Variants in CADPS observed in about 807,000 individuals in gnomAD.
CADPS encodes the protein calcium-dependent secretion activator 1.
A neutral mutation model predicts 167.3 loss-of-function variants in CADPS; 57 were observed. The ratio of observed to expected loss-of-function variants is 0.34; its 90% confidence interval spans 0.28 to 0.42. The LOEUF is 0.42. Ranked by LOEUF, CADPS falls within the 20% of genes least tolerant of loss-of-function variation. The pLI is 1.00. For synonymous variants in CADPS, 676 were observed against 635.3 expected, an observed-to-expected ratio of 1.06 and a Z score of -0.96; for missense variants, 1,414 against 1,738.1, an observed-to-expected ratio of 0.81 and a Z score of 3.32.
intron 1 of CADPS, among the ~76,000 whole-genome samples, chr3:62,802,797 C>G (rs1420597178): frequency 6.6e-6 from 1 of 152,126 alleles, no homozygotes; most frequent in Non-Finnish European, 1.5e-5. Context: ...TACAATCTTT[C>G]CCAAGGGTCA....
chr3:62,741,064 G>C (rs2080124191), intron 3 of CADPS, among the ~76,000 whole-genome samples: 1 of 152,156 alleles, frequency 6.6e-6, no homozygotes, highest in Non-Finnish European at 1.5e-5. Context: ...TGATTCCAGA[G>C]AACCAGCCCA....
intron 28 of CADPS, among the ~76,000 whole-genome samples, chr3:62,425,317 C>T (rs984592811): frequency 5.9e-5 from 9 of 152,108 alleles, no homozygotes; most frequent in African/African-American, 2.2e-4. Context: ...CCATTAGATG[C>T]CAGTAGCACC....
chr3:62,863,840 C>G (rs916256673), intron 1 of CADPS, among the ~76,000 whole-genome samples: 4 of 152,104 alleles, frequency 2.6e-5, no homozygotes, highest in Non-Finnish European at 1.5e-5. Flanking sequence ...TTGGCCAGCT[C>G]AGTTATATGG....
At chr3:62,511,253 C>T (rs79989364) in intron 17 of CADPS, among the ~76,000 whole-genome samples, 2,020 of 152,216 alleles carry the variant, frequency 0.013, 33 homozygotes, top group African/African-American at 0.046. Flanking sequence ...AAGTCCTGTC[C>T]CTGCCTACCT....
In CADPS at chr3:62,748,325, G is replaced by A. The variant is rs140223008; in HGVS notation, c.888+5116C>T. Among the ~76,000 whole-genome samples the A allele has an allele frequency of 9.7e-3, 1,060 of 109,724 alleles. 12 individuals are homozygous for A. Among genetic ancestry groups the A allele is most frequent in the African/African-American group, 0.034 (987 of 29,408 alleles). The allele number at this position is 109,724 out of a possible 152,430, so 72.0% of individuals were successfully genotyped here. A position where few individuals can be genotyped will look rare whatever the true frequency, so the allele number is the denominator to read the frequency against. ...TGCGCCACTGCACTCCAGCCTGGGC[G>A]AGAAGCGAGACTCCGTCTCAAAAAA... is the stretch of plus-strand genomic sequence containing the variant. On this transcript the variant is annotated intron_variant, in intron 3 of 29. Transcript: ENST00000383710.
At chr3:62,409,054 T>C (rs1243988893) in intron 28 of CADPS, among the ~76,000 whole-genome samples, 1 of 152,200 alleles carries the variant, frequency 6.6e-6, no homozygotes, top group African/African-American at 2.4e-5. Flanking sequence ...ACACGAAATA[T>C]ACTACAAGCA....
intron 5 of CADPS, among the ~76,000 whole-genome samples, chr3:62,647,502 G>T (rs2068854144): frequency 6.6e-6 from 1 of 152,088 alleles, no homozygotes; most frequent in African/African-American, 2.4e-5. Context: ...CAAAACCATT[G>T]TACTACTCGC....
intron 1 of CADPS, among the ~76,000 whole-genome samples, chr3:62,858,202 TGTGGCCC>T (rs2080075588): frequency 6.6e-6 from 1 of 152,162 alleles, no homozygotes. Context: ...TAATGGTGTA[TGTGGCCC>T]ATTATTGTCA....
At chr3:62,696,920 G>C (rs35064884) in intron 3 of CADPS, among the ~76,000 whole-genome samples, 12,078 of 151,994 alleles carry the variant, frequency 0.079, 634 homozygotes, top group Non-Finnish European at 0.12. Context: ...TGTGATAAAG[G>C]CTGACATATG....
At chr3:62,484,895 C>T (rs541121325) in intron 21 of CADPS, among the ~76,000 whole-genome samples, 6 of 152,252 alleles carry the variant, frequency 3.9e-5, no homozygotes, top group African/African-American at 1.4e-4. Context: ...ATATGTAGCA[C>T]ATCTTGTCTT....
At chr3:62,657,605 C>A (rs1428463298) in intron 4 of CADPS, among the ~76,000 whole-genome samples, 1 of 152,142 alleles carries the variant, frequency 6.6e-6, no homozygotes, top group South Asian at 2.1e-4. Context: ...GTCTTTTCTA[C>A]CAGATTTTAA....
intron 13 of CADPS, among the ~76,000 whole-genome samples, chr3:62,528,711 C>T (rs1237795306): frequency 3.3e-5 from 5 of 152,162 alleles, no homozygotes; most frequent in African/African-American, 7.2e-5. Flanking sequence ...TTCAGGTCTT[C>T]AGCATATAAG....
At chr3:62,515,496 T>C (rs1370154325) in intron 16 of CADPS, among the ~76,000 whole-genome samples, 1 of 151,958 alleles carries the variant, frequency 6.6e-6, no homozygotes, top group Non-Finnish European at 1.5e-5. Context: ...GCATTTAAGG[T>C]CTGGAGTAAC....
chr3:62,558,389 G>A (rs908471524), intron 9 of CADPS, among the ~76,000 whole-genome samples: 6 of 152,198 alleles, frequency 3.9e-5, no homozygotes, highest in Non-Finnish European at 7.3e-5. Context: ...TCTACATCTG[G>A]CTTGTCTGCA....
intron 26 of CADPS, among the ~76,000 whole-genome samples, chr3:62,461,527 C>T (rs1016640678): frequency 6.6e-6 from 1 of 152,172 alleles, no homozygotes; most frequent in Non-Finnish European, 1.5e-5. Context: ...CAAGTCTCCA[C>T]CCCCAACATT....
chr3:62,504,769 A>G (rs943863069), intron 17 of CADPS, among the ~76,000 whole-genome samples: 2 of 152,122 alleles, frequency 1.3e-5, no homozygotes. Flanking sequence ...CTTGGCTTCC[A>G]GAGAGAGAGT....
intron 28 of CADPS, among the ~76,000 whole-genome samples, chr3:62,437,535 G>A (rs1429011636): frequency 6.6e-6 from 1 of 151,984 alleles, no homozygotes; most frequent in African/African-American, 2.4e-5. Context: ...TGGCTGGGTG[G>A]GCAGGGGGCG....
chr3:62,835,544 G>T (rs574025781), intron 1 of CADPS, among the ~76,000 whole-genome samples: 148 of 152,268 alleles, frequency 9.7e-4, no homozygotes, highest in Non-Finnish European at 1.9e-3. Flanking sequence ...TTAAACATCA[G>T]TTCCCTTTAT....
chr3:62,860,739 A>G (rs964420301), intron 1 of CADPS, among the ~76,000 whole-genome samples: 1 of 152,224 alleles, frequency 6.6e-6, no homozygotes, highest in Non-Finnish European at 1.5e-5. Context: ...AATGTGCAAG[A>G]AGAGACAGAG....
Sources: gnomAD v4.1 joint callset for allele counts (sites outside exome capture counted in the v4.1 genomes callset) on GRCh38, gnomAD v4.1.1 for gene constraint, MANE v1.5 for transcripts, NCBI Gene and HGNC (gene_info 2026-07-23, HGNC 2026-07-21) for gene names.